ST8SIA6: variants seen among roughly 807,000 people sequenced by gnomAD.
ST8SIA6 encodes ST8 alpha-N-acetyl-neuraminide alpha-2,8-sialyltransferase 6.
In ST8SIA6, 39 loss-of-function variants were observed where a neutral mutation model predicts 33.6. The ratio of observed to expected loss-of-function variants is 1.16; its 90% CI spans 0.90 to 1.52. The LOEUF is 1.52. ST8SIA6 is among the 40% of genes most tolerant of loss of function. ST8SIA6 has a pLI of 0.00. For synonymous variants in ST8SIA6, 172 were observed against 167.2 expected (o/e 1.03, Z -0.22); for missense variants, 441 against 443.8 (o/e 0.99, Z 0.06).
intron 2 of ST8SIA6, chr10:17,413,314 CATAT>C (rs1457236478): frequency 6.7e-6 from 1 of 150,256 alleles, no homozygotes; most frequent in Non-Finnish European, 1.5e-5. Context: ...CCAGTAATAA[CATAT>C]ATTTTCTCAA....
At chr10:17,353,441 T>C (rs1039829948) in intron 4 of ST8SIA6, among the ~76,000 whole-genome samples, 5 of 152,180 alleles carry the variant, frequency 3.3e-5, no homozygotes, top group Non-Finnish European at 5.9e-5. Flanking sequence ...GTGGTAGATA[T>C]GCAGGTGTAT....
At chr10:17,453,773 G>A (rs554515980) in intron 1 of ST8SIA6, 116 bp from the exon 2 acceptor site, 4 of 768,122 alleles carry the variant, frequency 5.2e-6, no homozygotes, top group Non-Finnish European at 7.2e-6. Context: ...CGGCTCCCAG[G>A]CCAGGTCCCC....
rs1588913894 is a variant in ST8SIA6, at chr10:17,426,092, C to A, written c.200+27467G>T. Among the ~76,000 whole-genome samples, 3 of 152,174 alleles carry A rather than the reference C, an allele frequency of 2.0e-5. No homozygotes were observed. In the South Asian group the frequency reaches 6.2e-4, roughly 32 times the overall value. On this transcript the variant is annotated intron_variant, in intron 2 of 7. Transcript: ENST00000377602. Reference sequence around the variant, plus strand: ...AGACAGTCACATCCTCCCACAGGCACTAGAGGAAGCTCCACCCTGCTGATA... The same window carrying A: ...AGACAGTCACATCCTCCCACAGGCAATAGAGGAAGCTCCACCCTGCTGATA...
chr10:17,431,567 C>T (rs1852102498), intron 2 of ST8SIA6, among the ~76,000 whole-genome samples: 2 of 151,930 alleles, frequency 1.3e-5, no homozygotes, highest in African/African-American at 2.4e-5. Context: ...ACGCAGAGCC[C>T]GCTGGAAAAA....
intron 2 of ST8SIA6, among the ~76,000 whole-genome samples, chr10:17,437,833 C>T (rs377198533): frequency 3.3e-5 from 5 of 151,974 alleles, no homozygotes; most frequent in African/African-American, 4.8e-5. Flanking sequence ...TGGGTTCAGG[C>T]GATTCTTCTG....
chr10:17,321,416 A>G lies in ST8SIA6; in HGVS notation c.729-70T>C, dbSNP rs111391897. 6.3e-3 allele frequency: 8,053 copies of G among 1,276,750 alleles called. 45 individuals are homozygous for G. The highest frequency in any genetic ancestry group is 0.014 in the South Asian group (893 of 65,724). 79.1% of individuals were successfully genotyped at this position (1,276,750 alleles called of 1,614,324 possible). A position where few individuals can be genotyped will look rare whatever the true frequency, so the allele number is the denominator to read the frequency against. The stretch of plus-strand genomic sequence containing the variant: ...CAAAGTAGCAGTTTTGATAACATAA[A>G]GCTGAATTTACCATTGGTCAAAACA... On this transcript the variant is annotated intron_variant, in intron 7 of 7. Transcript: ENST00000377602.
chr10:17,335,625 CA>C (rs1848474336), intron 4 of ST8SIA6, among the ~76,000 whole-genome samples: 1 of 151,870 alleles, frequency 6.6e-6, no homozygotes, highest in African/African-American at 2.4e-5. Context: ...ACCTACCATT[CA>C]AAAAAGATGG....
At chr10:17,350,252 C>T (rs1848986217) in intron 4 of ST8SIA6, among the ~76,000 whole-genome samples, 1 of 152,184 alleles carries the variant, frequency 6.6e-6, no homozygotes, top group South Asian at 2.1e-4. Flanking sequence ...GTATAGACAG[C>T]TCCTTCCAGG....
chr10:17,443,652 G>C (rs1370129169), intron 2 of ST8SIA6, among the ~76,000 whole-genome samples: 2 of 152,142 alleles, frequency 1.3e-5, no homozygotes, highest in Non-Finnish European at 2.9e-5. Flanking sequence ...CTTAGTACTT[G>C]GTGAAAAATC....
intron 2 of ST8SIA6, among the ~76,000 whole-genome samples, chr10:17,402,194 G>T (rs1310731474): frequency 6.6e-6 from 1 of 152,124 alleles, no homozygotes; most frequent in Non-Finnish European, 1.5e-5. Flanking sequence ...ATCATCACTG[G>T]CCATCAGAGA....
At chr10:17,344,512 G>T (rs552940574) in intron 4 of ST8SIA6, among the ~76,000 whole-genome samples, 3 of 152,146 alleles carry the variant, frequency 2.0e-5, no homozygotes, top group Non-Finnish European at 4.4e-5. Flanking sequence ...ACAGTATGGG[G>T]GAAACCACTC....
At chr10:17,448,083 G>A (rs1353311756) in intron 2 of ST8SIA6, among the ~76,000 whole-genome samples, 2 of 152,144 alleles carry the variant, frequency 1.3e-5, no homozygotes, top group Non-Finnish European at 2.9e-5. Flanking sequence ...TTATAGGTGT[G>A]AGCCACTGTG....
intron 4 of ST8SIA6, among the ~76,000 whole-genome samples, chr10:17,344,071 A>G (rs1261742010): frequency 6.6e-6 from 1 of 152,188 alleles, no homozygotes; most frequent in Non-Finnish European, 1.5e-5. Flanking sequence ...TAATGACATG[A>G]CTGAGACTTG....
chr10:17,328,106 T>A (rs1848191508), intron 5 of ST8SIA6, among the ~76,000 whole-genome samples: 1 of 152,102 alleles, frequency 6.6e-6, no homozygotes, highest in Non-Finnish European at 1.5e-5. Flanking sequence ...GCCTTTCTGA[T>A]AAACAAGGAC....
intron 2 of ST8SIA6, among the ~76,000 whole-genome samples, chr10:17,448,780 T>A (rs1315367117): frequency 7.2e-6 from 1 of 139,400 alleles, no homozygotes; most frequent in Non-Finnish European, 1.6e-5. Flanking sequence ...CACGCCAGGC[T>A]AATTTTTTTT....
chr10:17,449,247 A>G (rs1181636771), intron 2 of ST8SIA6, among the ~76,000 whole-genome samples: 1 of 152,070 alleles, frequency 6.6e-6, no homozygotes, highest in Non-Finnish European at 1.5e-5. Context: ...TTTAAAAGAT[A>G]AAAGTACCAC....
intron 4 of ST8SIA6, among the ~76,000 whole-genome samples, chr10:17,338,597 A>G (rs948355568): frequency 6.6e-6 from 1 of 152,198 alleles, no homozygotes; most frequent in Non-Finnish European, 1.5e-5. Flanking sequence ...CCTAGACTCA[A>G]TTCAAAGGCT....
chr10:17,439,809 C>A (rs1484255787), intron 2 of ST8SIA6, among the ~76,000 whole-genome samples: 1 of 152,194 alleles, frequency 6.6e-6, no homozygotes, highest in Non-Finnish European at 1.5e-5. Flanking sequence ...ACAAGGCATG[C>A]TGAGGCTATC....
chr10:17,368,787 G>C (rs978841508), intron 3 of ST8SIA6, among the ~76,000 whole-genome samples: 10 of 152,198 alleles, frequency 6.6e-5, no homozygotes, highest in Admixed American at 2.0e-4. Context: ...TGGAGGTAAA[G>C]GCAGGCATGG....
Sources: gnomAD v4.1 joint callset for allele counts (sites outside exome capture counted in the v4.1 genomes callset) on GRCh38, gnomAD v4.1.1 for gene constraint, MANE v1.5 for transcripts, NCBI Gene and HGNC (gene_info 2026-07-23, HGNC 2026-07-21) for gene names.